The following MTFR2 variants were observed in gnomAD, a reference collection of about 807,000 sequenced individuals.
MTFR2 encodes the protein mitochondrial fission regulator 2, also known as DUF729 domain-containing protein 1.
A neutral mutation model predicts 41.2 loss-of-function variants in MTFR2; 44 were observed. The observed-to-expected ratio is 1.07, with a 90% CI of 0.84 to 1.37. The LOEUF (loss-of-function observed/expected upper bound fraction) is 1.37, where lower values mean the gene tolerates loss of function less well. Ranked by LOEUF, MTFR2 falls within the 40% of genes most tolerant of loss-of-function variation. The pLI, the probability that MTFR2 is intolerant of heterozygous loss-of-function variation, is 0.00. For missense variants in MTFR2, 452 were observed against 459.5 expected (o/e 0.98, Z 0.15); for synonymous variants, 141 against 154.6 (o/e 0.91, Z 0.65).
chr6:136,245,034 T>A (rs1780181595), intron 2 of MTFR2, among the ~76,000 whole-genome samples, 165 bp from the exon 3 acceptor site: 2 of 152,158 alleles, frequency 1.3e-5, no homozygotes, highest in African/African-American at 2.4e-5. Flanking sequence ...AAATATAGAA[T>A]GGCAGAGCCT....
intron 2 of MTFR2, among the ~76,000 whole-genome samples, chr6:136,246,564 C>T (rs999828415): frequency 2.0e-5 from 3 of 151,746 alleles, no homozygotes; most frequent in African/African-American, 7.3e-5. Flanking sequence ...ATTACAGGGG[C>T]GACCCACCAC....
At position 136,242,968 on chromosome 6, in the gene MTFR2, G is replaced by C; in HGVS notation, c.174C>G (p.Ile58Met). 1 of 1,595,334 alleles carries C rather than the reference G, an allele frequency of 6.3e-7. No homozygotes were observed. The highest frequency in any genetic ancestry group is 8.5e-7 in the Non-Finnish European group (1 of 1,174,740). The change falls in exon 4 of 8, where the codon ATC becomes ATG. Residue 58 changes from isoleucine to methionine, a missense_variant. Coordinates refer to ENST00000420702, the MANE Select transcript of MTFR2 (RefSeq NM_001099286.3). ...EPCRRPNFEL[I>M]PLLNSVDSDN... ...CAGAGTCTACAGAGTTCAAGAGCGG[G>C]ATCAACTAAAGTAAAAAAAGAAAAA...
In MTFR2 at chr6:136,244,775, G is replaced by A. The variant is rs781308861; in HGVS notation, c.158C>T (p.Pro53Leu). Residue 53 changes from proline (P) to leucine (L), a missense_variant, in exon 3 of 8, where the codon CCT (proline) becomes CTT (leucine). Transcript: ENST00000420702. Reference protein sequence around the residue: ...KMLPLEPCRRPNFELIPLLNS... With the variant: ...KMLPLEPCRRLNFELIPLLNS... ...TGTTGACTGACTTACCTCAAAATTA[G>A]GTCTTCGACAAGGTTCCAGTGGAAG... is the stretch of plus-strand genomic sequence containing the variant. The A allele has an allele frequency of 6.2e-7, 1 of 1,608,996 alleles. No homozygotes were observed. The highest frequency in any genetic ancestry group is 8.5e-7 in the Non-Finnish European group (1 of 1,176,316).
chr6:136,233,632 C>A, intron 6 of MTFR2, 133 bp from the exon 7 acceptor site: 1 of 709,054 alleles, frequency 1.4e-6, no homozygotes, highest in Non-Finnish European at 2.0e-6. Context: ...ATAATCTAAT[C>A]TTCAAGAAAT....
At chr6:136,248,959 G>C in intron 2 of MTFR2, 78 bp downstream of exon 2, 1 of 1,299,294 alleles carries the variant, frequency 7.7e-7, no homozygotes, top group Non-Finnish European at 1.1e-6. Context: ...TAAATCAAAT[G>C]ATTACATATA....
chr6:136,239,811 C>G lies in MTFR2; in HGVS notation c.524G>C (p.Gly175Ala). ...CAAACTAATGCGCTCGTCACTCAAG[C>G]CAAAGGAACCTACAAACAAAGTGGT... ...LKNSTNSSSF[G>A]LSDERISLGQ... The change falls in exon 6 of 8, where the codon GGC becomes GCC. Residue 175 changes from glycine (G) to alanine (A), a missense_variant. Physicochemically the swap from Gly to Ala is moderately conservative, Grantham distance 60 (BLOSUM62 0). Coordinates refer to ENST00000420702, the MANE Select transcript of MTFR2 (RefSeq NM_001099286.3). 1 of 1,600,672 alleles carries G rather than the reference C, an allele frequency of 6.2e-7. No homozygotes were observed. Among genetic ancestry groups the G allele is most frequent in the African/African-American group, 1.3e-5 (1 of 74,264 alleles).
intron 2 of MTFR2, among the ~76,000 whole-genome samples, chr6:136,246,521 G>GAT (rs2128459451): frequency 6.6e-6 from 1 of 152,080 alleles, no homozygotes; most frequent in East Asian, 1.9e-4. Context: ...GAGCTCAAGT[G>GAT]ATATGCCTGC....
At chr6:136,242,102 A>AC (rs1780095438) in intron 4 of MTFR2, among the ~76,000 whole-genome samples, 1 of 150,560 alleles carries the variant, frequency 6.6e-6, no homozygotes, top group Admixed American at 6.6e-5. Context: ...AAAAAAAAAA[A>AC]AAAAAACCTA....
In MTFR2 at chr6:136,239,597, C is replaced by G. The variant is rs1381362845; in HGVS notation, c.738G>C (p.Met246Ile). 6.2e-7 allele frequency: 1 copy of G among 1,614,074 alleles called. No individual in the cohort carries two copies. Among genetic ancestry groups the G allele is most frequent in the Admixed American group, 1.7e-5 (1 of 60,014 alleles). The change falls in exon 6 of 8, where the codon ATG becomes ATC. Residue 246 changes from methionine (M) to isoleucine (I), a missense_variant. Physicochemically the swap from Met to Ile is conservative, Grantham distance 10. Transcript: ENST00000420702. The stretch of plus-strand genomic sequence containing the variant: ...TATTAGCAGCCGGGTTCTGTTTGCT[C>G]ATTTCAGTTGCTGGATTATCTGAGT... ...ICDSDNPATE[M>I]SKQNPAANKT...
chr6:136,243,189 A>C (rs1780125512), intron 3 of MTFR2, among the ~76,000 whole-genome samples: 1 of 152,250 alleles, frequency 6.6e-6, no homozygotes, highest in Admixed American at 6.5e-5. Context: ...GGTTAATTTC[A>C]TCTATCACAA....
rs182047748 is a variant in MTFR2, at chr6:136,241,729, G to A, written c.282-53C>T. 8 of 1,402,146 alleles carry A rather than the reference G, an allele frequency of 5.7e-6. No individual in the cohort carries two copies. The East Asian group carries it at 9.2e-5, about 16-fold the overall frequency. The allele number at this position is 1,402,146 out of a possible 1,614,324, so 86.9% of individuals were successfully genotyped here. A position where few individuals can be genotyped will look rare whatever the true frequency, so the allele number is the denominator to read the frequency against. ...AGGGAAGATATATTTCCAATCAAAA[G>A]AGGTATAAACTCTTACACTCCTACG... is the stretch of plus-strand genomic sequence containing the variant. On this transcript the variant is annotated intron_variant, in intron 4 of 7. Coordinates refer to ENST00000420702, the MANE Select transcript of MTFR2 (RefSeq NM_001099286.3).
In MTFR2 at chr6:136,244,825, A is replaced by C. The variant is rs1458193992; in HGVS notation, c.108T>G (p.Ser36Arg). Residue 36 changes from serine (S) to arginine (R), a missense_variant, in exon 3 of 8, where the codon AGT becomes AGG. Transcript: ENST00000420702. Reference protein sequence around the residue: ...WENKDYGSTRSIVRIIGKMLP... With the variant: ...WENKDYGSTRRIVRIIGKMLP... ...GCATTTTCCCAATAATACGAACAAT[A>C]CTCCTAGTTGATCCATAGTCTTTAT... The C allele has an allele frequency of 6.2e-7, 1 of 1,612,536 alleles. No individual in the cohort carries two copies. The highest frequency in any genetic ancestry group is 8.5e-7 in the Non-Finnish European group (1 of 1,179,598).
chr6:136,231,314 T>A lies in MTFR2; in HGVS notation c.1119A>T (p.Gln373His). ...TTAGAAGGCTTGTGTTGCTGATACC[T>A]TGGTCAACAGCTTTTGTGTTGACCA... ...EEMVNTKAVD[Q>H]GISNTSLLNS... The change falls in exon 8 of 8, where the codon CAA becomes CAT. Residue 373 changes from glutamine to histidine, a missense_variant. By Grantham distance (24) the Gln-to-His change is conservative. Coordinates refer to ENST00000420702, the MANE Select transcript of MTFR2 (RefSeq NM_001099286.3). 6.2e-7 allele frequency: 1 copy of A among 1,612,964 alleles called. No homozygotes were observed. Among genetic ancestry groups the A allele is most frequent in the African/African-American group, 1.3e-5 (1 of 75,014 alleles).
intron 7 of MTFR2, 76 bp from the exon 8 acceptor site, chr6:136,231,464 G>A: frequency 1.2e-6 from 1 of 851,906 alleles, no homozygotes; most frequent in Non-Finnish European, 1.9e-6. Context: ...ACAAAGGCCA[G>A]ATGACCCTCT....
At chr6:136,243,915 T>A (rs1490284249) in intron 3 of MTFR2, among the ~76,000 whole-genome samples, 1 of 151,986 alleles carries the variant, frequency 6.6e-6, no homozygotes, top group Non-Finnish European at 1.5e-5. Context: ...GGCTAACGTG[T>A]GTGCTTGTGT....
At chr6:136,246,899 A>G (rs1780225679) in intron 2 of MTFR2, among the ~76,000 whole-genome samples, 1 of 152,164 alleles carries the variant, frequency 6.6e-6, no homozygotes, top group Non-Finnish European at 1.5e-5. Context: ...TACATTCTAT[A>G]CCACATTGCC....
chr6:136,238,888 G>A (rs762029478), intron 6 of MTFR2, among the ~76,000 whole-genome samples: 7 of 152,060 alleles, frequency 4.6e-5, no homozygotes, highest in Non-Finnish European at 8.8e-5. Context: ...GCAACATGGC[G>A]AAACCCCATC....
intron 7 of MTFR2, among the ~76,000 whole-genome samples, chr6:136,232,221 G>A (rs2128456494): frequency 6.6e-6 from 1 of 152,092 alleles, no homozygotes; most frequent in South Asian, 2.1e-4. Context: ...CAATGTGTGT[G>A]TGTGACAAGT....
chr6:136,237,584 G>A lies in MTFR2; in HGVS notation c.869+1882C>T, dbSNP rs144363143. On this transcript the variant is annotated intron_variant, in intron 6 of 7. Transcript: ENST00000420702. Reference sequence around the variant, plus strand: ...CCCAGCACTTTGGGAGGCCGAGGCCGGCAGATCACAAGGTCAGGAGTTCAT... The same window carrying A: ...CCCAGCACTTTGGGAGGCCGAGGCCAGCAGATCACAAGGTCAGGAGTTCAT... 6.6e-5 allele frequency among the ~76,000 whole-genome samples: 10 copies of A among 152,230 alleles called. No homozygotes were observed. The East Asian group carries it at 1.4e-3, about 21-fold the overall frequency.
Sources: gnomAD v4.1 joint callset for allele counts (sites outside exome capture counted in the v4.1 genomes callset) on GRCh38, gnomAD v4.1.1 for gene constraint, MANE v1.5 for transcripts, NCBI Gene and HGNC (gene_info 2026-07-23, HGNC 2026-07-21) for gene names.